The following GJC2 variants were observed in gnomAD, a reference collection of about 807,000 sequenced individuals.
GJC2 encodes the protein gap junction protein gamma 2.
For synonymous variants in GJC2, 336 were observed against 307.5 expected, an observed-to-expected ratio of 1.09 and a Z score of -0.97; for missense variants, 647 against 648.9, an observed-to-expected ratio of 1.00 and a Z score of 0.03.
At chr1:228,156,554 CCCTGACT>C (rs2034682125) in intron 1 of GJC2, among the ~76,000 whole-genome samples, 1 of 152,240 alleles carries the variant, frequency 6.6e-6, no homozygotes, top group African/African-American at 2.4e-5. Flanking sequence ...TCCCCAGGAA[CCCTGACT>C]GCCCCCTCTT....
At chr1:228,153,601 T>C (rs1180200774) in intron 1 of GJC2, among the ~76,000 whole-genome samples, 1 of 104,510 alleles carries the variant, frequency 9.6e-6, no homozygotes, top group Non-Finnish European at 2.0e-5. Context: ...TTTTTTTTTT[T>C]GAGACAGCGT....
Position 228,158,459 on chromosome 1 carries a change from T to C in GJC2, c.701T>C (p.Leu234Pro), listed in dbSNP as rs1558119953. ...GCCTTCCTGGTGGGCCAGTACCTGC[T>C]GTACGGCTTCGAGGTGCGACCGTTC... ...EVAFLVGQYL[L>P]YGFEVRPFFP... Residue 234 changes from leucine (L) to proline (P), a missense_variant, in exon 2 of 2, where the codon CTG (leucine) becomes CCG (proline). Physicochemically the swap from Leu to Pro is moderately conservative, Grantham distance 98. Transcript: ENST00000366714. The surrounding 1 kb of genome is among the most constrained non-coding windows in gnomAD (Gnocchi z 8.3). 6.2e-7 allele frequency: 1 copy of C among 1,611,250 alleles called. No homozygotes were observed. Among genetic ancestry groups the C allele is most frequent in the Non-Finnish European group, 8.5e-7 (1 of 1,179,576 alleles).
At chr1:228,156,092 G>A (rs984596904) in intron 1 of GJC2, among the ~76,000 whole-genome samples, 2 of 152,252 alleles carry the variant, frequency 1.3e-5, no homozygotes, top group Non-Finnish European at 2.9e-5. Context: ...GGAGATAGGG[G>A]AGGTGGCCTC....
intron 1 of GJC2, among the ~76,000 whole-genome samples, chr1:228,154,075 C>T (rs570655198): frequency 1.3e-5 from 2 of 152,230 alleles, no homozygotes; most frequent in South Asian, 4.1e-4. Flanking sequence ...CTTGCATTAG[C>T]GTGACATGCT....
chr1:228,155,703 G>A (rs2034670018), intron 1 of GJC2, among the ~76,000 whole-genome samples: 1 of 147,016 alleles, frequency 6.8e-6, no homozygotes, highest in Non-Finnish European at 1.5e-5. Flanking sequence ...AAGTGACACA[G>A]GCCCCCAGAG....
In GJC2 at chr1:228,158,193, G is replaced by C; in HGVS notation, c.435G>C (p.Glu145Asp). ...WPEPADLGEE[E>D]PMLGLGEEEE... Reference sequence around the variant, plus strand: ...AGCCCGCCGACCTGGGCGAGGAGGAGCCCATGCTGGGCCTGGGCGAGGAGG... The same window carrying C: ...AGCCCGCCGACCTGGGCGAGGAGGACCCCATGCTGGGCCTGGGCGAGGAGG... The change falls in exon 2 of 2, where the codon GAG becomes GAC. Residue 145 changes from glutamate to aspartate, a missense_variant. Transcript: ENST00000366714. The surrounding 1 kb of genome is among the most constrained non-coding windows in gnomAD (Gnocchi z 8.3). 1 of 1,463,764 alleles carries C rather than the reference G, an allele frequency of 6.8e-7. No individual in the cohort carries two copies. The allele number at this position is 1,463,764 out of a possible 1,614,324, so 90.7% of individuals were successfully genotyped here. A position where few individuals can be genotyped will look rare whatever the true frequency, so the allele number is the denominator to read the frequency against.
Position 228,151,324 on chromosome 1 carries a change from C to T in GJC2, c.-20+1317C>T, listed in dbSNP as rs770152195. Among the ~76,000 whole-genome samples, 2 of 152,282 alleles carry T rather than the reference C, an allele frequency of 1.3e-5. No individual in the cohort carries two copies. Among genetic ancestry groups the T allele is most frequent in the South Asian group, 4.1e-4 (2 of 4,826 alleles). ...CCCTCACTCCCCTGACATTCCTGAGCGCCACACCCATGCTCTTGGGCTCCT... is the reference window on the plus strand; with the variant it reads ...CCCTCACTCCCCTGACATTCCTGAGTGCCACACCCATGCTCTTGGGCTCCT... On this transcript the variant is annotated intron_variant, in intron 1 of 1. Coordinates refer to ENST00000366714, the MANE Select transcript of GJC2 (RefSeq NM_020435.4). This position sits in a 1 kb window ranked among gnomAD's most constrained non-coding sequence, Gnocchi z 5.4.
In GJC2 at chr1:228,150,776, CCAGGA is replaced by C. The variant is rs1207792059; in HGVS notation, c.-20+770_-20+774del. 1.3e-5 allele frequency among the ~76,000 whole-genome samples: 2 copies of C among 152,098 alleles called. No individual in the cohort carries two copies. The highest frequency in any genetic ancestry group is 2.9e-5 in the Non-Finnish European group (2 of 67,978). ...ATCCCAGAGCTGGATGGCAGTGAGC[CCAGGA>C]TTCCTGGCTGCTGGGCGTTCAGGAG... On this transcript the variant is annotated intron_variant, in intron 1 of 1. Coordinates refer to ENST00000366714, the MANE Select transcript of GJC2 (RefSeq NM_020435.4). The surrounding 1 kb of genome is among the most constrained non-coding windows in gnomAD (Gnocchi z 4.6).
At chr1:228,154,182 C>T (rs1243393836) in intron 1 of GJC2, among the ~76,000 whole-genome samples, 1 of 152,184 alleles carries the variant, frequency 6.6e-6, no homozygotes. Flanking sequence ...TCCTTTTCTG[C>T]CCCGCCATGG....
At chr1:228,153,743 C>T (rs1346087078) in intron 1 of GJC2, among the ~76,000 whole-genome samples, 8 of 151,616 alleles carry the variant, frequency 5.3e-5, no homozygotes, top group South Asian at 2.1e-4. Flanking sequence ...CCACCACGCC[C>T]GGCTAATTTT....
At chr1:228,154,215 G>A (rs1237192467) in intron 1 of GJC2, among the ~76,000 whole-genome samples, 1 of 152,150 alleles carries the variant, frequency 6.6e-6, no homozygotes, top group African/African-American at 2.4e-5. Flanking sequence ...GTCAGTCACC[G>A]TGTCTCCCTG....
At position 228,158,960 on chromosome 1, in the gene GJC2, G is replaced by GCACT. The variant is rs1163953548; in HGVS notation, c.1203_1206dup (p.Val403HisfsTer90). 1 of 1,583,088 alleles carries GCACT rather than the reference G, an allele frequency of 6.3e-7. No individual in the cohort carries two copies. The highest frequency in any genetic ancestry group is 2.3e-5 in the East Asian group (1 of 43,560). The stretch of plus-strand genomic sequence containing the variant: ...CGGACGGGCAGTGCTACCTCTGCGG[G>GCACT]CACTGTCGGGGAGCAGGGCCGGCCC... On this transcript the variant is annotated frameshift_variant, in exon 2 of 2. Coordinates refer to ENST00000366714, the MANE Select transcript of GJC2 (RefSeq NM_020435.4). LOFTEE classifies it low-confidence loss of function (END_TRUNC). This position sits in a 1 kb window ranked among gnomAD's most constrained non-coding sequence, Gnocchi z 8.3.
chr1:228,156,337 G>C (rs932699074), intron 1 of GJC2, among the ~76,000 whole-genome samples: 3 of 152,226 alleles, frequency 2.0e-5, no homozygotes, highest in Non-Finnish European at 4.4e-5. Flanking sequence ...CATTAACCCT[G>C]TTTGCATGTG....
chr1:228,150,150 T>TG lies in GJC2; in HGVS notation c.-20+144dup, dbSNP rs2124961149. On this transcript the variant is annotated intron_variant, in intron 1 of 1. Transcript: ENST00000366714. The surrounding 1 kb of genome is among the most constrained non-coding windows in gnomAD (Gnocchi z 4.6). ...CCCAGCCATAGGAGGGTGCACTCCT[T>TG]GCGCCTGCCACCCCCTCCTGGGCTC... is the stretch of plus-strand genomic sequence containing the variant. 1 of 152,392 alleles carries TG rather than the reference T, an allele frequency of 6.6e-6. No homozygotes were observed. The highest frequency in any genetic ancestry group is 1.5e-5 in the Non-Finnish European group (1 of 68,136). 9.4% of individuals were successfully genotyped at this position (152,392 alleles called of 1,614,324 possible). A position where few individuals can be genotyped will look rare whatever the true frequency, so the allele number is the denominator to read the frequency against.
chr1:228,150,392 C>T lies in GJC2; in HGVS notation c.-20+385C>T, dbSNP rs1372463588. Among the ~76,000 whole-genome samples the T allele has an allele frequency of 6.6e-6, 1 of 152,170 alleles. No individual in the cohort carries two copies. The highest frequency in any genetic ancestry group is 1.5e-5 in the Non-Finnish European group (1 of 67,998). On this transcript the variant is annotated intron_variant, in intron 1 of 1. Coordinates refer to ENST00000366714, the MANE Select transcript of GJC2 (RefSeq NM_020435.4). This position sits in a 1 kb window ranked among gnomAD's most constrained non-coding sequence, Gnocchi z 4.6. ...GAAACACCAGCCAGCTGCATTGTGT[C>T]CAGGCCCAGTCCCCCACCCTCAGCG... is the stretch of plus-strand genomic sequence containing the variant.
At chr1:228,153,829 C>T (rs965597879) in intron 1 of GJC2, among the ~76,000 whole-genome samples, 15 of 152,070 alleles carry the variant, frequency 9.9e-5, no homozygotes, top group African/African-American at 3.6e-4. Flanking sequence ...GACCCACCCA[C>T]CTCAGCCTCA....
rs898257089 is a variant in GJC2 at position 228,152,600 on chromosome 1, C to T, written c.-20+2593C>T. 2.6e-5 allele frequency among the ~76,000 whole-genome samples: 4 copies of T among 152,022 alleles called. No homozygotes were observed. The highest frequency in any genetic ancestry group is 7.2e-5 in the African/African-American group (3 of 41,382). ...TGAGCCCCCATGGTGAGTCCCTTTG[C>T]TCTTGCTGCGCACCCCTTTGAAGCC... On this transcript the variant is annotated intron_variant, in intron 1 of 1. Transcript: ENST00000366714. The surrounding 1 kb of genome is among the most constrained non-coding windows in gnomAD (Gnocchi z 7.3).
intron 1 of GJC2, among the ~76,000 whole-genome samples, chr1:228,157,004 A>T (rs1473653224): frequency 6.6e-6 from 1 of 152,194 alleles, no homozygotes; most frequent in Non-Finnish European, 1.5e-5. Flanking sequence ...CTGGGTTGAG[A>T]CCATGGAGGA....
rs2034622834 is a variant in GJC2, at chr1:228,152,072, A to C, written c.-20+2065A>C. The stretch of plus-strand genomic sequence containing the variant: ...CACACAGGGCCCTGCAGTGGAGTGC[A>C]GGGGAAGGAGGGGACTGTGCCTGCA... On this transcript the variant is annotated intron_variant, in intron 1 of 1. Transcript: ENST00000366714. This position sits in a 1 kb window ranked among gnomAD's most constrained non-coding sequence, Gnocchi z 7.3. 6.6e-6 allele frequency among the ~76,000 whole-genome samples: 1 copy of C among 152,060 alleles called. No individual in the cohort carries two copies. The highest frequency in any genetic ancestry group is 2.4e-5 in the African/African-American group (1 of 41,416).
Sources: gnomAD v4.1 joint callset for allele counts (sites outside exome capture counted in the v4.1 genomes callset) on GRCh38, gnomAD v4.1.1 for gene constraint, Gnocchi (gnomAD v3.1) non-coding constraint, MANE v1.5 for transcripts, NCBI Gene and HGNC (gene_info 2026-07-23, HGNC 2026-07-21) for gene names.